The following TENT2 variants were observed in gnomAD, a reference collection of about 807,000 sequenced individuals.
TENT2 encodes poly(A) RNA polymerase GLD2.
TENT2 carries 44 observed loss-of-function variants against 72.2 expected under a neutral mutation model. The observed-to-expected ratio is 0.61, with a 90% CI of 0.48 to 0.78. The LOEUF (loss-of-function observed/expected upper bound fraction) is 0.78. TENT2 is among the 30% of genes least tolerant of loss of function. The pLI, the probability that TENT2 is intolerant of heterozygous loss-of-function variation, is 0.00. For synonymous variants in TENT2, 212 were observed against 192.5 expected (o/e 1.10, Z -0.84); for missense variants, 541 against 569.6 (o/e 0.95, Z 0.51).
intron 4 of TENT2, chr5:79,623,741 T>C (rs1699689317): frequency 3.3e-6 from 1 of 305,242 alleles, no homozygotes; most frequent in East Asian, 5.9e-5. Context: ...CCAGACACTT[T>C]CTGAGTTTAG....
At chr5:79,674,954 C>G (rs1270762677) in intron 12 of TENT2, among the ~76,000 whole-genome samples, 1 of 152,114 alleles carries the variant, frequency 6.6e-6, no homozygotes, top group Non-Finnish European at 1.5e-5. Flanking sequence ...GCTATATGGA[C>G]TCCTCTGGAC....
At chr5:79,658,851 T>A (rs1168066326) in intron 11 of TENT2, among the ~76,000 whole-genome samples, 1 of 142,004 alleles carries the variant, frequency 7.0e-6, no homozygotes, top group Non-Finnish European at 1.5e-5. Flanking sequence ...CTGTGTTCTG[T>A]TTTTCTTATT....
chr5:79,669,961 G>T (rs1811619583), intron 12 of TENT2, among the ~76,000 whole-genome samples: 1 of 152,074 alleles, frequency 6.6e-6, no homozygotes, highest in African/African-American at 2.4e-5. Context: ...GGGCGCGGTA[G>T]CTCATGCCTG....
At chr5:79,680,632 C>T (rs976860853) in intron 13 of TENT2, among the ~76,000 whole-genome samples, 2 of 152,156 alleles carry the variant, frequency 1.3e-5, no homozygotes, top group African/African-American at 2.4e-5. Flanking sequence ...CCTATTCTTC[C>T]GTACTTTTTC....
At chr5:79,652,184 G>T (rs555188542) in intron 10 of TENT2, among the ~76,000 whole-genome samples, 7 of 151,862 alleles carry the variant, frequency 4.6e-5, no homozygotes, top group Admixed American at 4.6e-4. Flanking sequence ...TTTTTTTATG[G>T]TGTTACGTAA....
intron 11 of TENT2, among the ~76,000 whole-genome samples, chr5:79,661,275 A>G (rs191964636): frequency 7.2e-4 from 109 of 152,298 alleles, no homozygotes; most frequent in African/African-American, 2.5e-3. Flanking sequence ...CTACTCACTC[A>G]TTGACTCACC....
At chr5:79,672,935 G>A (rs1296548986) in intron 12 of TENT2, among the ~76,000 whole-genome samples, 6 of 152,128 alleles carry the variant, frequency 3.9e-5, no homozygotes, top group African/African-American at 7.2e-5. Flanking sequence ...CAGGGTATGA[G>A]GGTTTCCTTG....
At chr5:79,641,837 C>G (rs1478354457) in intron 6 of TENT2, among the ~76,000 whole-genome samples, 1 of 150,670 alleles carries the variant, frequency 6.6e-6, no homozygotes, top group Non-Finnish European at 1.5e-5. Flanking sequence ...TTGCATTATA[C>G]TTAACATTTG....
chr5:79,624,712 C>T lies in TENT2; in HGVS notation c.465+1223C>T, dbSNP rs1767970396. Among the ~76,000 whole-genome samples the T allele has an allele frequency of 4.6e-5, 7 of 152,220 alleles. No individual in the cohort carries two copies. The South Asian group carries it at 1.2e-3, about 27-fold the overall frequency. On this transcript the variant is annotated intron_variant, in intron 4 of 14. Transcript: ENST00000453514. ...ATTTAGCATGTTTTCAAGGTTCATC[C>T]ACGTTGTAGCATACACATCAGTACT... is the stretch of plus-strand genomic sequence containing the variant.
At chr5:79,627,747 C>T (rs1038838507) in intron 4 of TENT2, among the ~76,000 whole-genome samples, 1 of 152,204 alleles carries the variant, frequency 6.6e-6, no homozygotes, top group Non-Finnish European at 1.5e-5. Context: ...AGCTTCCCAT[C>T]ATGCTGGGTT....
At chr5:79,655,714 T>C (rs1463364218) in intron 10 of TENT2, among the ~76,000 whole-genome samples, 1 of 151,544 alleles carries the variant, frequency 6.6e-6, no homozygotes, top group Non-Finnish European at 1.5e-5. Context: ...TATCCTTACT[T>C]TCTAAGAGTG....
intron 10 of TENT2, 84 bp from the exon 11 acceptor site, chr5:79,656,874 A>G (rs1217501707): frequency 1.1e-6 from 1 of 952,266 alleles, no homozygotes; most frequent in African/African-American, 1.7e-5. Flanking sequence ...TTATGGTCTT[A>G]TACCTGGGAT....
chr5:79,622,468 G>T (rs1021186231), intron 3 of TENT2, among the ~76,000 whole-genome samples: 2 of 151,734 alleles, frequency 1.3e-5, no homozygotes, highest in African/African-American at 4.8e-5. Flanking sequence ...TTTTTATTTT[G>T]CAAATACTAA....
At chr5:79,616,954 T>A (rs1760689637) in intron 1 of TENT2, among the ~76,000 whole-genome samples, 1 of 152,014 alleles carries the variant, frequency 6.6e-6, no homozygotes, top group Non-Finnish European at 1.5e-5. Flanking sequence ...CTTATGGAAT[T>A]GAAAAAACAA....
rs1359596981 is a variant in TENT2, at chr5:79,619,998, T to C, written c.142T>C (p.Ser48Pro). 6.2e-7 allele frequency: 1 copy of C among 1,606,792 alleles called. No individual in the cohort carries two copies. The highest frequency in any genetic ancestry group is 8.5e-7 in the Non-Finnish European group (1 of 1,175,456). The change falls in exon 3 of 15, where the codon TCT (serine) becomes CCT (proline). Residue 48 changes from serine (S) to proline (P), a missense_variant. Ser to Pro is a moderately conservative substitution (Grantham distance 74). Coordinates refer to ENST00000453514, the MANE Select transcript of TENT2 (RefSeq NM_001114394.3). ...TCTTTTCTTTGATTTTGTTAGCTTG[T>C]CTAGAGCTGTGTCATTACAGCAGCT... The part of the protein sequence containing the change: ...AQFNFQNADL[S>P]RAVSLQQLTY...
intron 14 of TENT2, among the ~76,000 whole-genome samples, chr5:79,684,042 T>C (rs187597487): frequency 3.2e-4 from 49 of 152,200 alleles, no homozygotes; most frequent in African/African-American, 7.7e-4. Context: ...AATGCTACAT[T>C]GGTGTTCTTA....
chr5:79,661,477 T>A (rs1802835143), intron 11 of TENT2, among the ~76,000 whole-genome samples: 1 of 152,218 alleles, frequency 6.6e-6, no homozygotes, highest in Admixed American at 6.5e-5. Flanking sequence ...TGTGCAGGCA[T>A]ACGTTTGAGG....
chr5:79,678,522 A>T (rs1472015185), intron 12 of TENT2, among the ~76,000 whole-genome samples: 1 of 152,206 alleles, frequency 6.6e-6, no homozygotes, highest in Non-Finnish European at 1.5e-5. Context: ...AAAAAAAAGA[A>T]AATACTTGTA....
chr5:79,621,515 T>C (rs554380457), intron 3 of TENT2, among the ~76,000 whole-genome samples: 1 of 152,066 alleles, frequency 6.6e-6, no homozygotes, highest in African/African-American at 2.4e-5. Context: ...TCCCAGCACT[T>C]TGGGAGGCCG....
Sources: gnomAD v4.1 joint callset for allele counts (sites outside exome capture counted in the v4.1 genomes callset) on GRCh38, gnomAD v4.1.1 for gene constraint, MANE v1.5 for transcripts, NCBI Gene and HGNC (gene_info 2026-07-23, HGNC 2026-07-21) for gene names.